PRKACA: variants seen among roughly 807,000 people sequenced by gnomAD.
PRKACA encodes the protein protein kinase cAMP-activated catalytic subunit alpha.
PRKACA carries 9 observed loss-of-function variants against 45.8 expected under a neutral mutation model. The ratio of observed to expected loss-of-function variants is 0.20; its 90% confidence interval spans 0.12 to 0.34. The LOEUF (loss-of-function observed/expected upper bound fraction) is 0.34. Ranked by LOEUF, PRKACA falls within the 10% of genes least tolerant of loss-of-function variation. The pLI, the probability that PRKACA is intolerant of heterozygous loss-of-function variation, is 1.00. For synonymous variants in PRKACA, 160 were observed against 178.6 expected (o/e 0.90, Z 0.83); for missense variants, 238 against 458.6 (o/e 0.52, Z 4.39).
At chr19:14,102,950 G>C (rs1462780416) in intron 3 of PRKACA, 36 bp from the exon 4 acceptor site, 1 of 1,516,328 alleles carries the variant, frequency 6.6e-7, no homozygotes, top group South Asian at 1.1e-5. Context: ...GAAAGGAGGG[G>C]GAGGTGAGAG....
chr19:14,107,575 C>T (rs1313327498), intron 1 of PRKACA, 166 bp from the exon 2 acceptor site: 1 of 1,307,952 alleles, frequency 7.6e-7, no homozygotes, highest in Non-Finnish European at 1.0e-6. Context: ...GCCTGGGCCT[C>T]CCTTGCTACA....
At chr19:14,104,331 C>T (rs377014416) in intron 3 of PRKACA, among the ~76,000 whole-genome samples, 52 of 130,430 alleles carry the variant, frequency 4.0e-4, no homozygotes, top group African/African-American at 1.2e-3. Flanking sequence ...AGCGAGACTC[C>T]GTCTCAAAAA....
At chr19:14,110,142 T>TTGCTATGTTGCCAAGG (rs1966926199) in intron 1 of PRKACA, among the ~76,000 whole-genome samples, 1 of 149,526 alleles carries the variant, frequency 6.7e-6, no homozygotes, top group African/African-American at 2.5e-5. Flanking sequence ...AGACCCAATC[T>TTGCTATGTTGCCAAGG]CTACAAAAAA....
chr19:14,114,978 G>A (rs1157284045), intron 1 of PRKACA, among the ~76,000 whole-genome samples: 2 of 152,160 alleles, frequency 1.3e-5, no homozygotes, highest in Non-Finnish European at 1.5e-5. Context: ...CCTGCAGGCT[G>A]GCCTGGCTAC....
At chr19:14,112,768 G>A (rs1967004233) in intron 1 of PRKACA, 1 of 152,634 alleles carries the variant, frequency 6.6e-6, no homozygotes, top group African/African-American at 2.4e-5. Context: ...CTGCTCCCAG[G>A]ACGCCAGGCC....
intron 8 of PRKACA, among the ~76,000 whole-genome samples, chr19:14,096,044 T>TTG (rs1977245190): frequency 6.8e-6 from 1 of 146,002 alleles, no homozygotes; most frequent in African/African-American, 2.6e-5. Context: ...TTTTTTTTTT[T>TTG]TTTTTTTTTT....
chr19:14,103,599 G>T (rs547612706), intron 3 of PRKACA, among the ~76,000 whole-genome samples: 1 of 152,306 alleles, frequency 6.6e-6, no homozygotes, highest in African/African-American at 2.4e-5. Flanking sequence ...GGCCAGCCTG[G>T]TCCCTCAGTC....
intron 8 of PRKACA, among the ~76,000 whole-genome samples, chr19:14,094,147 A>C (rs1977176117): frequency 1.4e-5 from 2 of 141,702 alleles, no homozygotes; most frequent in African/African-American, 5.2e-5. Flanking sequence ...TATAGGCGTG[A>C]GCCACCACAC....
chr19:14,093,057 C>CG lies in PRKACA; in HGVS notation c.*54dup. 1 of 1,340,116 alleles carries CG rather than the reference C, an allele frequency of 7.5e-7. No homozygotes were observed. Among genetic ancestry groups the CG allele is most frequent in the Non-Finnish European group, 9.8e-7 (1 of 1,024,868 alleles). The allele number at this position is 1,340,116 out of a possible 1,614,324, so 83.0% of individuals were successfully genotyped here. ...GTTCAATCCAACCCTCCCACCCCCC[C>CG]GACCAAAAAAAAGAAAAAAGAAAAA... On this transcript the variant is annotated 3_prime_UTR_variant, in exon 10 of 10. Transcript: ENST00000308677.
chr19:14,094,709 C>G (rs888709056), intron 8 of PRKACA, among the ~76,000 whole-genome samples: 3 of 152,216 alleles, frequency 2.0e-5, no homozygotes, highest in African/African-American at 7.2e-5. Context: ...TTCTCAGCTG[C>G]TGCTGCTGCT....
At chr19:14,095,539 GAC>G (rs1977221353) in intron 8 of PRKACA, among the ~76,000 whole-genome samples, 1 of 151,316 alleles carries the variant, frequency 6.6e-6, no homozygotes, top group South Asian at 2.1e-4. Flanking sequence ...CTTTTTTTGA[GAC>G]AGAGTCTTGC....
At chr19:14,093,926 A>AGGG in intron 8 of PRKACA, 134 bp from the exon 9 acceptor site, 1 of 913,918 alleles carries the variant, frequency 1.1e-6, no homozygotes, top group Non-Finnish European at 1.6e-6. Context: ...ATCTTGTAAA[A>AGGG]CAGCTCCTTG....
Position 14,092,194 on chromosome 19 carries a change from CGCT to C in PRKACA, c.*915_*917del, listed in dbSNP as rs1977096654. ...ATAAAATTAAGGAGTTGGGGGGAAA[CGCT>C]GCTGGGAGGAAAGACTTGGGCTTGG... On this transcript the variant is annotated 3_prime_UTR_variant, in exon 10 of 10. Coordinates refer to ENST00000308677, the MANE Select transcript of PRKACA (RefSeq NM_002730.4). The C allele has an allele frequency of 6.3e-6, 1 of 157,488 alleles. No homozygotes were observed. Among genetic ancestry groups the C allele is most frequent in the South Asian group, 2.1e-4 (1 of 4,864 alleles). The allele number at this position is 157,488 out of a possible 1,614,324, so 9.8% of individuals were successfully genotyped here. A position where few individuals can be genotyped will look rare whatever the true frequency, so the allele number is the denominator to read the frequency against.
chr19:14,098,656 C>T (rs961833026), intron 5 of PRKACA, among the ~76,000 whole-genome samples: 5 of 151,334 alleles, frequency 3.3e-5, no homozygotes, highest in African/African-American at 7.3e-5. Flanking sequence ...CCACCACGCC[C>T]GGCTAATTTT....
intron 3 of PRKACA, among the ~76,000 whole-genome samples, chr19:14,103,294 T>G (rs1028342902): frequency 2.6e-5 from 4 of 152,010 alleles, no homozygotes; most frequent in Non-Finnish European, 5.9e-5. Flanking sequence ...GAACTGAAAT[T>G]GAAAAGACAG....
At chr19:14,098,816 A>AT (rs953538247) in intron 5 of PRKACA, among the ~76,000 whole-genome samples, 2 of 126,870 alleles carry the variant, frequency 1.6e-5, no homozygotes, top group Non-Finnish European at 3.1e-5. Flanking sequence ...TGTTATTGGA[A>AT]AAAAAAAAAA....
chr19:14,103,826 G>A (rs1239778906), intron 3 of PRKACA, among the ~76,000 whole-genome samples: 1 of 152,162 alleles, frequency 6.6e-6, no homozygotes, highest in African/African-American at 2.4e-5. Context: ...AGCACTTTGG[G>A]AGGCCCAGGC....
intron 9 of PRKACA, 43 bp from the exon 10 acceptor site, chr19:14,093,280 T>C: frequency 6.3e-7 from 1 of 1,592,840 alleles, no homozygotes; most frequent in Non-Finnish European, 8.5e-7. Flanking sequence ...GCATTCAACA[T>C]AATCATTATT....
chr19:14,117,433 A>G lies in PRKACA; in HGVS notation c.46+69T>C, dbSNP rs1599353671. ...GAGGGGCCCCGTAGGGGGAGGGGCC[A>G]GGCGATGATGGACAAGGCCAGGGCT... is the stretch of plus-strand genomic sequence containing the variant. On this transcript the variant is annotated intron_variant, in intron 1 of 9. Coordinates refer to ENST00000308677, the MANE Select transcript of PRKACA (RefSeq NM_002730.4). 7.2e-6 allele frequency: 9 copies of G among 1,242,448 alleles called. No individual in the cohort carries two copies. The East Asian group carries it at 1.9e-4, about 27-fold the overall frequency. The allele number at this position is 1,242,448 out of a possible 1,614,324, so 77.0% of individuals were successfully genotyped here.
Sources: allele counts gnomAD v4.1 joint callset (sites outside exome capture counted in the v4.1 genomes callset), GRCh38; gene constraint gnomAD v4.1.1; transcripts MANE v1.5; gene names NCBI Gene and HGNC (gene_info 2026-07-23, HGNC 2026-07-21).